PAN3: variants seen among roughly 807,000 people sequenced by gnomAD.
PAN3 encodes the protein PAN2-PAN3 deadenylation complex subunit PAN3.
PAN3 carries 19 observed loss-of-function variants against 96.2 expected under a neutral mutation model. The observed-to-expected ratio is 0.20, with a 90% CI of 0.14 to 0.29. PAN3 has a LOEUF of 0.29. Ranked by LOEUF, PAN3 falls within the 10% of genes least tolerant of loss-of-function variation. PAN3 has a pLI of 1.00. For synonymous variants in PAN3, 433 were observed against 406.6 expected (o/e 1.06, Z -0.78); for missense variants, 882 against 1,108.1 (o/e 0.80, Z 2.90).
intron 4 of PAN3, among the ~76,000 whole-genome samples, chr13:28,191,802 A>T (rs1232538537): frequency 6.6e-6 from 1 of 151,972 alleles, no homozygotes; most frequent in Non-Finnish European, 1.5e-5. Context: ...TTTTTGAGAG[A>T]TGAGACATGT....
At chr13:28,261,004 G>A (rs146211797) in intron 8 of PAN3, among the ~76,000 whole-genome samples, 1 of 152,232 alleles carries the variant, frequency 6.6e-6, no homozygotes, top group African/African-American at 2.4e-5. Flanking sequence ...TATTTGGTAT[G>A]TAGAATTTCA....
In PAN3 at chr13:28,145,287, G is replaced by A. The variant is rs531430668; in HGVS notation, c.430+6200G>A. On this transcript the variant is annotated intron_variant, in intron 1 of 18. Coordinates refer to ENST00000380958, the MANE Select transcript of PAN3 (RefSeq NM_175854.8). ...TGTATGTGTGTACATATTACAGATC[G>A]TGCCTAACTTAATGGTTTGGCTTTC... Among the ~76,000 whole-genome samples the A allele has an allele frequency of 3.3e-5, 5 of 152,008 alleles. No homozygotes were observed. In the South Asian group the frequency reaches 8.3e-4, roughly 25 times the overall value.
rs145746923 is a variant in PAN3 at position 28,192,531 on chromosome 13, C to A, written c.691-4654C>A. Reference sequence around the variant, plus strand: ...ATACTTCCATCTCATATTTTCCTATCTAGGCACATTTATTCTTCCTTCAGA... The same window carrying A: ...ATACTTCCATCTCATATTTTCCTATATAGGCACATTTATTCTTCCTTCAGA... On this transcript the variant is annotated intron_variant, in intron 4 of 18. Transcript: ENST00000380958. Among the ~76,000 whole-genome samples the A allele has an allele frequency of 3.4e-3, 511 of 152,344 alleles. 3 individuals carry two copies. The highest frequency in any genetic ancestry group is 4.7e-3 in the Non-Finnish European group (317 of 68,030).
chr13:28,188,214 A>G (rs574991187), intron 4 of PAN3, among the ~76,000 whole-genome samples: 67 of 151,588 alleles, frequency 4.4e-4, no homozygotes, highest in Non-Finnish European at 7.4e-4. Context: ...TCTCTGGCCT[A>G]GGATTTATTA....
At chr13:28,240,887 G>A (rs1043001400) in intron 6 of PAN3, among the ~76,000 whole-genome samples, 1 of 152,172 alleles carries the variant, frequency 6.6e-6, no homozygotes, top group African/African-American at 2.4e-5. Context: ...TCTATTCTGG[G>A]ATGAGATCCA....
chr13:28,193,807 G>A (rs904979080), intron 4 of PAN3, among the ~76,000 whole-genome samples: 93 of 146,360 alleles, frequency 6.4e-4, no homozygotes, highest in African/African-American at 2.2e-3. Flanking sequence ...TTTCAATGTT[G>A]TTTACTGTAC....
chr13:28,169,222 CTT>C (rs202200725), intron 1 of PAN3, among the ~76,000 whole-genome samples: 309 of 74,912 alleles, frequency 4.1e-3, no homozygotes, highest in African/African-American at 0.016. Context: ...TTTTTGTTTG[CTT>C]TTTTTTTTTT....
chr13:28,245,034 A>C (rs1884045122), intron 6 of PAN3, among the ~76,000 whole-genome samples: 1 of 151,998 alleles, frequency 6.6e-6, no homozygotes. Context: ...TTTTTAGTAG[A>C]GACAGGGTTT....
chr13:28,261,848 A>G (rs576943902), intron 9 of PAN3, among the ~76,000 whole-genome samples: 17 of 149,700 alleles, frequency 1.1e-4, no homozygotes, highest in African/African-American at 4.2e-4. Flanking sequence ...AAAAAAAAAA[A>G]AAAGGACAGT....
chr13:28,150,436 T>C (rs1871222047), intron 1 of PAN3, among the ~76,000 whole-genome samples: 1 of 151,914 alleles, frequency 6.6e-6, no homozygotes, highest in African/African-American at 2.4e-5. Context: ...CCATCCTGGC[T>C]AACATGGTGA....
At chr13:28,290,077 T>C (rs1436250595) in intron 18 of PAN3, among the ~76,000 whole-genome samples, 1 of 152,204 alleles carries the variant, frequency 6.6e-6, no homozygotes, top group Non-Finnish European at 1.5e-5. Flanking sequence ...CTATGGCCTA[T>C]TTTTTTAAAG....
At chr13:28,149,488 C>T (rs534705085) in intron 1 of PAN3, among the ~76,000 whole-genome samples, 3 of 152,256 alleles carry the variant, frequency 2.0e-5, no homozygotes, top group East Asian at 1.9e-4. Context: ...ACATAAATCG[C>T]GTCTTTGGTA....
intron 6 of PAN3, among the ~76,000 whole-genome samples, chr13:28,225,207 G>A (rs1881865086): frequency 6.6e-6 from 1 of 151,960 alleles, no homozygotes; most frequent in South Asian, 2.1e-4. Flanking sequence ...TGAGAAATAT[G>A]TGAGGGAAAA....
At chr13:28,138,348 C>T (rs1387164922), upstream of PAN3, among the ~76,000 whole-genome samples, 1 of 152,160 alleles carries the variant, frequency 6.6e-6, no homozygotes, top group Non-Finnish European at 1.5e-5. Context: ...TTCCCCTGCC[C>T]GCGCCCTCGA....
intron 5 of PAN3, among the ~76,000 whole-genome samples, chr13:28,201,226 T>C (rs542935692): frequency 6.6e-6 from 1 of 151,478 alleles, no homozygotes; most frequent in Non-Finnish European, 1.5e-5. Flanking sequence ...TCACTTTTTG[T>C]AAAGATGGGG....
chr13:28,213,739 A>C (rs1167676081), intron 5 of PAN3, among the ~76,000 whole-genome samples: 1 of 151,912 alleles, frequency 6.6e-6, no homozygotes. Context: ...GATACTTCAG[A>C]CTATTTGGTG....
At chr13:28,218,391 A>T (rs1319159849) in intron 5 of PAN3, among the ~76,000 whole-genome samples, 1 of 152,162 alleles carries the variant, frequency 6.6e-6, no homozygotes, top group East Asian at 1.9e-4. Context: ...CAGTTGAACA[A>T]AACAAACTCT....
In PAN3 at chr13:28,138,867, C is replaced by T; in HGVS notation, c.210C>T (p.Asp70=). ...AGGAGTGTCAGTTCCTGCATGAGGACCCTGCCGCCGGGGCTGCCCCGGGCC... is the reference window on the plus strand; with the variant it reads ...AGGAGTGTCAGTTCCTGCATGAGGATCCTGCCGCCGGGGCTGCCCCGGGCC... ...YGEECQFLHE[D]PAAGAAPGLG... is the part of the protein sequence containing the mutation. Residue 70 remains aspartate (D), a synonymous_variant, in exon 1 of 19, where the codon GAC becomes GAT. Transcript: ENST00000380958. 2.8e-6 allele frequency: 4 copies of T among 1,423,930 alleles called. No homozygotes were observed. The highest frequency in any genetic ancestry group is 3.7e-6 in the Non-Finnish European group (4 of 1,093,194). 88.2% of individuals were successfully genotyped at this position (1,423,930 alleles called of 1,614,324 possible). A position where few individuals can be genotyped will look rare whatever the true frequency, so the allele number is the denominator to read the frequency against.
intron 6 of PAN3, among the ~76,000 whole-genome samples, chr13:28,230,446 A>C (rs1882422827): frequency 6.6e-6 from 1 of 152,086 alleles, no homozygotes; most frequent in African/African-American, 2.4e-5. Context: ...ATGGTTCTGG[A>C]ACTAGTAATC....
Sources: gnomAD v4.1 joint callset for allele counts (sites outside exome capture counted in the v4.1 genomes callset) on GRCh38, gnomAD v4.1.1 for gene constraint, MANE v1.5 for transcripts, NCBI Gene and HGNC (gene_info 2026-07-23, HGNC 2026-07-21) for gene names.